The following GMDS variants were observed in gnomAD, a reference collection of about 807,000 sequenced individuals.
GMDS encodes GDP-mannose 4,6-dehydratase.
Under a neutral mutation model 49.9 loss-of-function variants are expected in GMDS, and 20 were observed. The ratio of observed to expected loss-of-function variants is 0.40; its 90% CI spans 0.28 to 0.58. GMDS has a LOEUF of 0.58. Ranked by LOEUF, GMDS falls within the 20% of genes least tolerant of loss-of-function variation. GMDS has a pLI of 0.42. For missense variants in GMDS, 362 were observed against 481.4 expected (o/e 0.75, Z 2.32); for synonymous variants, 177 against 178.6 (o/e 0.99, Z 0.07).
chr6:1,813,927 T>C lies in GMDS; in HGVS notation c.772-71341A>G, dbSNP rs532461713. On this transcript the variant is annotated intron_variant, in intron 7 of 10. Transcript: ENST00000380815. ...ATATTCGGGCTTATATAAAGACATA[T>C]AGAGCCTGAATTGTAAAATCTAATT... is the stretch of plus-strand genomic sequence containing the variant. Among the ~76,000 whole-genome samples, 11 of 152,216 alleles carry C rather than the reference T, an allele frequency of 7.2e-5. No individual in the cohort carries two copies. The South Asian group carries it at 8.3e-4, about 11-fold the overall frequency.
intron 6 of GMDS, among the ~76,000 whole-genome samples, chr6:1,946,218 GA>G (rs748507169): frequency 5.9e-5 from 9 of 152,200 alleles, no homozygotes; most frequent in Non-Finnish European, 1.0e-4. Context: ...AATGTAACTG[GA>G]AAAATACTCA....
intron 9 of GMDS, among the ~76,000 whole-genome samples, chr6:1,626,988 G>T (rs1386132566): frequency 4.6e-5 from 7 of 152,236 alleles, no homozygotes; most frequent in African/African-American, 1.7e-4. Context: ...CTGCAGTCTA[G>T]CTGCTTCCTT....
At chr6:1,689,699 T>C (rs77804949) in intron 9 of GMDS, among the ~76,000 whole-genome samples, 3,426 of 152,310 alleles carry the variant, frequency 0.022, 128 homozygotes, top group African/African-American at 0.077. Flanking sequence ...TCCAACAACA[T>C]TGTCTACAAT....
intron 7 of GMDS, among the ~76,000 whole-genome samples, chr6:1,910,959 GAATT>G (rs1416697305): frequency 2.0e-5 from 3 of 152,132 alleles, no homozygotes; most frequent in African/African-American, 4.8e-5. Context: ...GGCAATTAAT[GAATT>G]AAATGTACCA....
At chr6:1,827,979 A>G (rs1393609602) in intron 7 of GMDS, among the ~76,000 whole-genome samples, 2 of 152,210 alleles carry the variant, frequency 1.3e-5, no homozygotes, top group Non-Finnish European at 2.9e-5. Context: ...AGGAAGCCTA[A>G]ACTTTGGACT....
At chr6:2,130,773 T>C (rs776469517) in intron 1 of GMDS, among the ~76,000 whole-genome samples, 1 of 151,956 alleles carries the variant, frequency 6.6e-6, no homozygotes, top group African/African-American at 2.4e-5. Flanking sequence ...AAGATTTACA[T>C]ATAAAAAATA....
At chr6:1,688,350 C>T (rs1384032014) in intron 9 of GMDS, among the ~76,000 whole-genome samples, 1 of 152,212 alleles carries the variant, frequency 6.6e-6, no homozygotes, top group Non-Finnish European at 1.5e-5. Context: ...AACGACGGCT[C>T]GTGGAAACCC....
chr6:1,746,460 C>T (rs1767499302), intron 7 of GMDS, among the ~76,000 whole-genome samples: 1 of 152,118 alleles, frequency 6.6e-6, no homozygotes, highest in African/African-American at 2.4e-5. Context: ...ATAAAAATGT[C>T]CCTTAATTGC....
At chr6:1,820,064 T>C (rs531883442) in intron 7 of GMDS, among the ~76,000 whole-genome samples, 1 of 152,080 alleles carries the variant, frequency 6.6e-6, no homozygotes, top group East Asian at 1.9e-4. Flanking sequence ...ACAATTATTT[T>C]ATGATATTGT....
At chr6:2,070,694 T>G (rs1314429549) in intron 4 of GMDS, among the ~76,000 whole-genome samples, 1 of 152,158 alleles carries the variant, frequency 6.6e-6, no homozygotes, top group East Asian at 1.9e-4. Context: ...TCAGTCCCAG[T>G]GCACTTGACC....
intron 1 of GMDS, among the ~76,000 whole-genome samples, chr6:2,159,427 G>C (rs1235255950): frequency 6.6e-6 from 1 of 150,422 alleles, no homozygotes; most frequent in Non-Finnish European, 1.5e-5. Flanking sequence ...TTTTATGAGA[G>C]TAAATGACAA....
At chr6:2,239,586 T>C (rs1781517564) in intron 1 of GMDS, among the ~76,000 whole-genome samples, 3 of 152,146 alleles carry the variant, frequency 2.0e-5, no homozygotes, top group African/African-American at 7.2e-5. Context: ...AAACCCAACC[T>C]CTGATTCCCA....
At chr6:1,798,603 C>T (rs1428740237) in intron 7 of GMDS, among the ~76,000 whole-genome samples, 2 of 152,148 alleles carry the variant, frequency 1.3e-5, no homozygotes, top group African/African-American at 4.8e-5. Flanking sequence ...GTAATTCTGC[C>T]TAAAGCCAGC....
intron 7 of GMDS, among the ~76,000 whole-genome samples, chr6:1,851,375 T>C (rs979124801): frequency 1.3e-5 from 2 of 152,216 alleles, no homozygotes; most frequent in African/African-American, 4.8e-5. Flanking sequence ...TTTTAGGTAT[T>C]TGCTGATATC....
chr6:2,084,163 T>A (rs939525320), intron 4 of GMDS, among the ~76,000 whole-genome samples: 1 of 152,214 alleles, frequency 6.6e-6, no homozygotes, highest in African/African-American at 2.4e-5. Flanking sequence ...ACATAAAACT[T>A]AATTAACCTT....
intron 7 of GMDS, among the ~76,000 whole-genome samples, chr6:1,817,913 T>TA (rs1770736368): frequency 6.6e-6 from 1 of 152,170 alleles, no homozygotes; most frequent in Non-Finnish European, 1.5e-5. Flanking sequence ...TTTCTTTTTT[T>TA]AATGGAGAAC....
chr6:2,092,100 GA>G, intron 4 of GMDS, among the ~76,000 whole-genome samples: 1 of 152,256 alleles, frequency 6.6e-6, no homozygotes, highest in South Asian at 2.1e-4. Flanking sequence ...AAAGAAATTA[GA>G]AATAATATGT....
At chr6:1,652,423 TATATA>T (rs1763691918) in intron 9 of GMDS, among the ~76,000 whole-genome samples, 1 of 25,464 alleles carries the variant, frequency 3.9e-5, no homozygotes, top group South Asian at 1.1e-3. Flanking sequence ...ATATAATATA[TATATA>T]ATATATTATA....
chr6:2,163,831 G>T (rs1430201116), intron 1 of GMDS, among the ~76,000 whole-genome samples: 1 of 152,166 alleles, frequency 6.6e-6, no homozygotes, highest in East Asian at 1.9e-4. Context: ...CCAATTCAGT[G>T]ACTACAGCTC....
Sources: allele counts gnomAD v4.1 joint callset (sites outside exome capture counted in the v4.1 genomes callset), GRCh38; gene constraint gnomAD v4.1.1; transcripts MANE v1.5; gene names NCBI Gene and HGNC (gene_info 2026-07-23, HGNC 2026-07-21).